Variants in PCDH15 observed in about 807,000 individuals in gnomAD.
PCDH15 encodes the protein protocadherin related 15.
PCDH15 carries 129 observed loss-of-function variants against 178.5 expected under a neutral mutation model. That is an observed-to-expected ratio of 0.72 (90% CI 0.63 to 0.84). The LOEUF (loss-of-function observed/expected upper bound fraction) is 0.84, where lower values mean the gene tolerates loss of function less well. Among genes scored for constraint, PCDH15 ranks in the 40% least tolerant of loss-of-function variants. The probability of loss-of-function intolerance (pLI) is 0.00; values close to 1 mark genes in which losing one functional copy is unlikely to be tolerated. For missense variants in PCDH15, 2,230 were observed against 2,099.9 expected (o/e 1.06, Z -1.21); for synonymous variants, 800 against 732.0 (o/e 1.09, Z -1.50).
chr10:54,201,622 C>A (rs539773572), intron 10 of PCDH15, among the ~76,000 whole-genome samples: 2 of 152,076 alleles, frequency 1.3e-5, no homozygotes, highest in South Asian at 2.1e-4. Flanking sequence ...GGAAGAAGGT[C>A]AAATATATAT....
chr10:55,043,217 C>G (rs755370257), intron 2 of PCDH15, among the ~76,000 whole-genome samples: 1 of 151,754 alleles, frequency 6.6e-6, no homozygotes. Flanking sequence ...ATTTCCATAA[C>G]CCTCCTCTCA....
chr10:54,886,271 G>A (rs959132756), intron 3 of PCDH15, among the ~76,000 whole-genome samples: 5 of 152,148 alleles, frequency 3.3e-5, no homozygotes, highest in African/African-American at 7.2e-5. Flanking sequence ...TTTTAAAAAC[G>A]AATTTTCCAC....
In PCDH15 at chr10:54,050,610, G is replaced by GTTTT. The variant is rs769778523; in HGVS notation, c.2220+16143_2220+16146dup. Among the ~76,000 whole-genome samples, 8 of 151,536 alleles carry GTTTT rather than the reference G, an allele frequency of 5.3e-5. No individual in the cohort carries two copies. In the East Asian group the frequency reaches 1.5e-3, roughly 29 times the overall value. On this transcript the variant is annotated intron_variant, in intron 18 of 37. Coordinates refer to ENST00000644397, the MANE Select transcript of PCDH15 (RefSeq NM_001384140.1). ...TGTTCTCTTTTGCTAGACATAAGGG[G>GTTTT]TTTTGTTTGTTTGTTTGTTTGTTTT...
At chr10:55,027,588 CA>C (rs1014912563) in intron 2 of PCDH15, among the ~76,000 whole-genome samples, 9 of 151,672 alleles carry the variant, frequency 5.9e-5, no homozygotes, top group African/African-American at 2.2e-4. Flanking sequence ...GAGGAACAAT[CA>C]AAGTTGAAAT....
intron 1 of PCDH15, among the ~76,000 whole-genome samples, chr10:54,757,876 A>G (rs1947367994): frequency 6.6e-6 from 1 of 152,140 alleles, no homozygotes. Flanking sequence ...GATGCAAGCA[A>G]AAGGCATCAA....
chr10:54,143,078 T>G (rs1040928499), intron 14 of PCDH15, among the ~76,000 whole-genome samples: 1 of 152,132 alleles, frequency 6.6e-6, no homozygotes, highest in South Asian at 2.1e-4. Context: ...TTTTTGGATA[T>G]TAGTTGCCCT....
intron 2 of PCDH15, among the ~76,000 whole-genome samples, chr10:55,106,762 A>C (rs1837356751): frequency 6.6e-6 from 1 of 152,170 alleles, no homozygotes; most frequent in Non-Finnish European, 1.5e-5. Flanking sequence ...TCCCAACAAA[A>C]AAAGGGGAAC....
At chr10:55,362,963 AT>A (rs1845266238) in intron 2 of PCDH15, among the ~76,000 whole-genome samples, 1 of 152,182 alleles carries the variant, frequency 6.6e-6, no homozygotes, top group African/African-American at 2.4e-5. Context: ...AGCTAATAAA[AT>A]AAAATAAAAT....
intron 2 of PCDH15, among the ~76,000 whole-genome samples, chr10:54,538,205 T>G (rs190838087): frequency 6.6e-6 from 1 of 152,158 alleles, no homozygotes; most frequent in South Asian, 2.1e-4. Flanking sequence ...ACATCAAGGA[T>G]AGTGTTTCCT....
At chr10:54,462,495 C>CTTTTT (rs58985752) in intron 3 of PCDH15, among the ~76,000 whole-genome samples, 2 of 76,388 alleles carry the variant, frequency 2.6e-5, no homozygotes, top group Admixed American at 1.5e-4. Context: ...CTTTTCTTTT[C>CTTTTT]TTTTTCTTTT....
At chr10:55,452,021 CTAAA>C (rs1321913013) in intron 2 of PCDH15, among the ~76,000 whole-genome samples, 6 of 152,064 alleles carry the variant, frequency 3.9e-5, no homozygotes, top group South Asian at 2.1e-4. Flanking sequence ...ATTGATATGA[CTAAA>C]TAGTTTATTA....
At chr10:55,429,801 C>T (rs993855024) in intron 2 of PCDH15, among the ~76,000 whole-genome samples, 3 of 152,044 alleles carry the variant, frequency 2.0e-5, no homozygotes, top group Non-Finnish European at 2.9e-5. Context: ...GCAGGAATAT[C>T]ATGTAATTAT....
intron 2 of PCDH15, among the ~76,000 whole-genome samples, chr10:54,551,841 A>G (rs929692519): frequency 1.2e-4 from 18 of 152,254 alleles, no homozygotes; most frequent in Admixed American, 9.8e-4. Context: ...AACATCAAAA[A>G]GAATCTGAGC....
At position 53,806,369 on chromosome 10, in the gene PCDH15, A is replaced by AGTATGTCCAAAAG. The variant is rs1841156045; in HGVS notation, c.*197_*209dup. ...TTTAAACGATAGGTTATTTAGTGAAAGTATGTCCAAAAGGATTTTCTGGGA... is the reference window on the plus strand; with the variant it reads ...TTTAAACGATAGGTTATTTAGTGAAAGTATGTCCAAAAGGTATGTCCAAAAGGATTTTCTGGGA... On this transcript the variant is annotated 3_prime_UTR_variant, in exon 38 of 38. Coordinates refer to ENST00000644397, the MANE Select transcript of PCDH15 (RefSeq NM_001384140.1). The AGTATGTCCAAAAG allele has an allele frequency of 2.0e-6, 1 of 508,732 alleles. No homozygotes were observed. Among genetic ancestry groups the AGTATGTCCAAAAG allele is most frequent in the Non-Finnish European group, 3.4e-6 (1 of 291,790 alleles). The allele number at this position is 508,732 out of a possible 1,614,324, so 31.5% of individuals were successfully genotyped here.
chr10:54,701,642 A>G (rs1026086833), intron 1 of PCDH15, among the ~76,000 whole-genome samples: 1 of 152,114 alleles, frequency 6.6e-6, no homozygotes, highest in Non-Finnish European at 1.5e-5. Flanking sequence ...AGAAAAAAGC[A>G]TGGGTTGCTA....
chr10:53,807,186 GAT>G, intron 37 of PCDH15, 56 bp from the exon 38 acceptor site: 1 of 1,372,762 alleles, frequency 7.3e-7, no homozygotes, highest in Non-Finnish European at 9.8e-7. Context: ...AAAAGGCAAT[GAT>G]TACATTGCCT....
intron 2 of PCDH15, among the ~76,000 whole-genome samples, chr10:54,577,425 T>C (rs1253648550): frequency 1.3e-5 from 2 of 151,978 alleles, no homozygotes; most frequent in African/African-American, 4.8e-5. Flanking sequence ...TATTCTTCAG[T>C]TCCCTCTAAA....
At chr10:54,977,906 TA>T (rs1839116148) in intron 2 of PCDH15, among the ~76,000 whole-genome samples, 1 of 152,154 alleles carries the variant, frequency 6.6e-6, no homozygotes, top group Admixed American at 6.6e-5. Context: ...TTAACTAACA[TA>T]AGGACATTCA....
intron 2 of PCDH15, among the ~76,000 whole-genome samples, chr10:54,545,788 A>C (rs1030587910): frequency 1.3e-5 from 2 of 152,220 alleles, no homozygotes. Flanking sequence ...ATTGTGACAG[A>C]TACTGTATAT....
Sources: gnomAD v4.1 joint callset for allele counts (sites outside exome capture counted in the v4.1 genomes callset) on GRCh38, gnomAD v4.1.1 for gene constraint, MANE v1.5 for transcripts, NCBI Gene and HGNC (gene_info 2026-07-23, HGNC 2026-07-21) for gene names.